Variants in CDH3 observed in about 807,000 individuals in gnomAD.
The protein encoded by CDH3 is cadherin 3, also known as cadherin-3.
CDH3 carries 54 observed loss-of-function variants against 82.0 expected under a neutral mutation model. The observed-to-expected ratio is 0.66, with a 90% CI of 0.53 to 0.83. The LOEUF (loss-of-function observed/expected upper bound fraction) is 0.83, where lower values mean the gene tolerates loss of function less well. CDH3 is among the 40% of genes least tolerant of loss of function. The probability of loss-of-function intolerance (pLI) is 0.00; values close to 1 mark genes in which losing one functional copy is unlikely to be tolerated. For missense variants in CDH3, 1,054 were observed against 1,084.6 expected, an observed-to-expected ratio of 0.97 and a Z score of 0.40; for synonymous variants, 446 against 437.9, an observed-to-expected ratio of 1.02 and a Z score of -0.23.
chr16:68,695,180 G>T (rs1208944808), intron 13 of CDH3, 75 bp from the exon 14 acceptor site: 1 of 1,509,696 alleles, frequency 6.6e-7, no homozygotes, highest in East Asian at 2.3e-5. Flanking sequence ...GCAGTTAGAG[G>T]GGCTCTGAGG....
Position 68,678,762 on chromosome 16 carries a change from C to T in CDH3, c.547C>T (p.Leu183Phe). 1 of 1,614,186 alleles carries T rather than the reference C, an allele frequency of 6.2e-7. No individual in the cohort carries two copies. Among genetic ancestry groups the T allele is most frequent in the African/African-American group, 1.3e-5 (1 of 75,060 alleles). The change falls in exon 6 of 16, where the codon CTC (leucine) becomes TTC (phenylalanine). Residue 183 changes from leucine to phenylalanine, a missense_variant and splice_region_variant. Leu to Phe is a conservative substitution (Grantham distance 22). Transcript: ENST00000264012. The part of the protein sequence containing the change: ...LDREEIAKYE[L>F]FGHAVSENGA... ...GACCCCAGAGCTGTGTACCCCACAGCTCTTTGGCCACGCTGTGTCAGAGAA... is the reference window on the plus strand; with the variant it reads ...GACCCCAGAGCTGTGTACCCCACAGTTCTTTGGCCACGCTGTGTCAGAGAA...
chr16:68,657,525 C>T (rs140275855), intron 2 of CDH3, among the ~76,000 whole-genome samples: 373 of 152,206 alleles, frequency 2.5e-3, no homozygotes, highest in Middle Eastern at 6.8e-3. Flanking sequence ...AAAAGCCAAA[C>T]GTCTTCCTTT....
chr16:68,666,261 A>T (rs1310024394), intron 2 of CDH3, among the ~76,000 whole-genome samples: 1 of 152,008 alleles, frequency 6.6e-6, no homozygotes, highest in Admixed American at 6.6e-5. Context: ...GGGCCTGTGT[A>T]TAGATGGGTG....
intron 2 of CDH3, among the ~76,000 whole-genome samples, chr16:68,659,271 A>G (rs1195541499): frequency 6.6e-6 from 1 of 152,170 alleles, no homozygotes; most frequent in Non-Finnish European, 1.5e-5. Context: ...AGCAAGTCAG[A>G]AATAAACACA....
rs755910254 is a variant in CDH3, at chr16:68,682,390, G to A, written c.1085G>A (p.Trp362Ter). The A allele has an allele frequency of 4.0e-5, 65 of 1,614,060 alleles. No individual in the cohort carries two copies. Among genetic ancestry groups the A allele is most frequent in the Non-Finnish European group, 5.5e-5 (65 of 1,180,032 alleles). The change falls in exon 9 of 16, where the codon TGG becomes TAG. Residue 362 changes from tryptophan to a stop codon, truncating the protein, a stop_gained. Transcript: ENST00000264012. LOFTEE classifies it high-confidence loss of function. ...TDLDAPNSPA[W>*]RATYLIMGGD... ...CTGGACGCCCCCAACTCACCAGCGT[G>A]GCGTGCCACCTACCTTATCATGGGC...
intron 2 of CDH3, among the ~76,000 whole-genome samples, chr16:68,650,173 G>A (rs1260057316): frequency 6.6e-6 from 1 of 152,148 alleles, no homozygotes; most frequent in Non-Finnish European, 1.5e-5. Flanking sequence ...CAGGCCTGAG[G>A]GTCCTAGAGA....
chr16:68,662,434 T>C (rs951972735), intron 2 of CDH3, among the ~76,000 whole-genome samples: 1 of 152,010 alleles, frequency 6.6e-6, no homozygotes, highest in African/African-American at 2.4e-5. Context: ...CAGTCACTGC[T>C]CTCCAGCCTG....
intron 1 of CDH3, among the ~76,000 whole-genome samples, chr16:68,708,607 GTCTT>G (rs1039649102): frequency 2.4e-4 from 37 of 151,552 alleles, no homozygotes; most frequent in Middle Eastern, 3.4e-3. Flanking sequence ...TATCTTTTCT[GTCTT>G]TCTTTCTTTT....
At chr16:68,700,677 C>T (rs1961880730), downstream of CDH3, among the ~76,000 whole-genome samples, 2 of 152,084 alleles carry the variant, frequency 1.3e-5, no homozygotes, top group Admixed American at 1.3e-4. Context: ...CCGTGCCCGG[C>T]CTACACACAC....
rs200361366 is a variant in CDH3, at chr16:68,695,862, C to G, written c.2219C>G (p.Pro740Arg). 6.2e-7 allele frequency: 1 copy of G among 1,613,998 alleles called. No homozygotes were observed. Among genetic ancestry groups the G allele is most frequent in the African/African-American group, 1.3e-5 (1 of 74,906 alleles). ...LRNDVAPTII[P>R]TPMYRPRPAN... ...AATGACGTGGCACCAACCATCATCCCGACACCCATGTACCGTCCTCGGCCA... is the reference window on the plus strand; with the variant it reads ...AATGACGTGGCACCAACCATCATCCGGACACCCATGTACCGTCCTCGGCCA... The change falls in exon 15 of 16, where the codon CCG (proline) becomes CGG (arginine). Residue 740 changes from proline to arginine, a missense_variant. Pro to Arg is a moderately radical substitution (Grantham distance 103). Transcript: ENST00000264012.
chr16:68,710,887 GAAAGAAGA>G (rs1417338467), intron 1 of CDH3, among the ~76,000 whole-genome samples: 3 of 144,066 alleles, frequency 2.1e-5, no homozygotes, highest in African/African-American at 5.1e-5. Context: ...GAGAGAGAGA[GAAAGAAGA>G]AAAGAAGAAA....
rs78152018 is a variant in CDH3, at chr16:68,646,091, C to A, written c.160+341C>A. 2,250 of 334,900 alleles carry A rather than the reference C, an allele frequency of 6.7e-3. 113 individuals are homozygous for A. In the East Asian group the frequency reaches 0.12, roughly 17 times the overall value. The allele number at this position is 334,900 out of a possible 1,614,324, so 20.7% of individuals were successfully genotyped here. A position where few individuals can be genotyped will look rare whatever the true frequency, so the allele number is the denominator to read the frequency against. ...GGAATGCGCCGGCCACATTCTTCCCCCAACCCGCGCGCAGGTGTGGGGATG... is the reference window on the plus strand; with the variant it reads ...GGAATGCGCCGGCCACATTCTTCCCACAACCCGCGCGCAGGTGTGGGGATG... On this transcript the variant is annotated intron_variant, in intron 2 of 15. Transcript: ENST00000264012.
chr16:68,710,585 C>T (rs1232122376), intron 1 of CDH3, among the ~76,000 whole-genome samples: 1 of 151,954 alleles, frequency 6.6e-6, no homozygotes, highest in Non-Finnish European at 1.5e-5. Flanking sequence ...TGGCTGGGCG[C>T]GGTGGCTCAC....
At chr16:68,680,319 C>T (rs747024781) in intron 7 of CDH3, among the ~76,000 whole-genome samples, 90 of 152,344 alleles carry the variant, frequency 5.9e-4, no homozygotes, top group Non-Finnish European at 3.5e-4. Flanking sequence ...GTAGAATTAG[C>T]TCCATGGATA....
At chr16:68,730,211 C>A (rs1423481764), downstream of CDH3, among the ~76,000 whole-genome samples, 2 of 139,194 alleles carry the variant, frequency 1.4e-5, no homozygotes, top group African/African-American at 2.7e-5. Flanking sequence ...CCAGCCTGGG[C>A]AACAGAGAGA....
intron 9 of CDH3, among the ~76,000 whole-genome samples, chr16:68,682,760 C>T (rs1452275889): frequency 2.0e-5 from 3 of 152,110 alleles, no homozygotes; most frequent in African/African-American, 4.8e-5. Context: ...ATGGCTGCCC[C>T]GAATCAGTCT....
chr16:68,716,285 T>C (rs1962094103), intron 1 of CDH3, among the ~76,000 whole-genome samples: 2 of 150,928 alleles, frequency 1.3e-5, no homozygotes, highest in Non-Finnish European at 2.9e-5. Context: ...ATTCAATAAA[T>C]TGTAGGCATT....
At chr16:68,716,899 T>C (rs1187733970) in intron 1 of CDH3, among the ~76,000 whole-genome samples, 4 of 150,790 alleles carry the variant, frequency 2.7e-5, no homozygotes, top group East Asian at 1.9e-4. Context: ...TTTTTTCTTT[T>C]TTTTTTTTTT....
At chr16:68,708,641 CT>C (rs147333341) in intron 1 of CDH3, among the ~76,000 whole-genome samples, 35,431 of 147,460 alleles carry the variant, frequency 0.24, 4,093 homozygotes, top group Admixed American at 0.29. Flanking sequence ...CTTTCTTTTT[CT>C]TTTTTTTTTT....
Sources: allele counts gnomAD v4.1 joint callset (sites outside exome capture counted in the v4.1 genomes callset), GRCh38; gene constraint gnomAD v4.1.1; transcripts MANE v1.5; gene names NCBI Gene and HGNC (gene_info 2026-07-23, HGNC 2026-07-21).